SKI: variants seen among roughly 807,000 people sequenced by gnomAD.
SKI encodes the protein SKI proto-oncogene.
Under a neutral mutation model 59.3 loss-of-function variants are expected in SKI, and 23 were observed. The ratio of observed to expected loss-of-function variants is 0.39; its 90% confidence interval spans 0.28 to 0.55. SKI has a LOEUF of 0.55. SKI is among the 20% of genes least tolerant of loss of function. The pLI, the probability that SKI is intolerant of heterozygous loss-of-function variation, is 0.67. For synonymous variants in SKI, 673 were observed against 488.6 expected (o/e 1.38, Z -4.98); for missense variants, 1,017 against 1,038.9 (o/e 0.98, Z 0.29).
intron 1 of SKI, among the ~76,000 whole-genome samples, chr1:2,260,931 A>G (rs894154628): frequency 3.3e-5 from 5 of 152,078 alleles, no homozygotes; most frequent in African/African-American, 1.2e-4. Flanking sequence ...TATTCTAGAA[A>G]TTTTGTAGCT....
In SKI at chr1:2,305,436, C is replaced by G. The variant is rs376008997; in HGVS notation, c.1768-584C>G. Among the ~76,000 whole-genome samples the G allele has an allele frequency of 2.0e-5, 3 of 152,244 alleles. No individual in the cohort carries two copies. In the East Asian group the frequency reaches 5.8e-4, roughly 29 times the overall value. Reference sequence around the variant, plus strand: ...GCTGCAGGGTTGCCGACGTGCCCTCCTGCGCGTGCCAGTCCCTCGCCCCAG... The same window carrying G: ...GCTGCAGGGTTGCCGACGTGCCCTCGTGCGCGTGCCAGTCCCTCGCCCCAG... On this transcript the variant is annotated intron_variant, in intron 5 of 6. Transcript: ENST00000378536.
intron 1 of SKI, among the ~76,000 whole-genome samples, chr1:2,271,647 C>T (rs868166098): frequency 9.2e-5 from 14 of 152,070 alleles, no homozygotes; most frequent in South Asian, 2.1e-4. Flanking sequence ...CATTGAGCCC[C>T]GCCATTGCCT....
intron 1 of SKI, chr1:2,232,422 G>A (rs1350195647): frequency 6.6e-6 from 1 of 152,208 alleles, no homozygotes; most frequent in Non-Finnish European, 1.5e-5. Context: ...ATGTTCCCGG[G>A]TCCCAAACCA....
chr1:2,265,293 G>C (rs1383802397), intron 1 of SKI, among the ~76,000 whole-genome samples: 1 of 152,160 alleles, frequency 6.6e-6, no homozygotes, highest in Admixed American at 6.5e-5. Flanking sequence ...AATGTTGTCA[G>C]CTCAGGGTGC....
rs1207746965 is a variant in SKI, at chr1:2,229,701, A to T, written c.935A>T (p.Asp312Val). The change falls in exon 1 of 7, where the codon GAC (aspartate) becomes GTC (valine). Residue 312 changes from aspartate (D) to valine (V), a missense_variant. By Grantham distance (152) the Asp-to-Val change is radical. Transcript: ENST00000378536. The surrounding 1 kb of genome is among the most constrained non-coding windows in gnomAD (Gnocchi z 6.3). ...CTGGACGACGTGAAGGAGAAATTCGACTATGGCAACAAGTACAAGCGGCGG... is the reference window on the plus strand; with the variant it reads ...CTGGACGACGTGAAGGAGAAATTCGTCTATGGCAACAAGTACAAGCGGCGG... ...RCLDDVKEKFDYGNKYKRRVP... is the reference protein window; with the variant it reads ...RCLDDVKEKFVYGNKYKRRVP... 1 of 1,592,076 alleles carries T rather than the reference A, an allele frequency of 6.3e-7. No homozygotes were observed. The highest frequency in any genetic ancestry group is 8.5e-7 in the Non-Finnish European group (1 of 1,170,142).
Position 2,303,627 on chromosome 1 carries a change from CT to C in SKI, c.1212-211del. The C allele has an allele frequency of 1.4e-6, 1 of 722,758 alleles. No homozygotes were observed. Among genetic ancestry groups the C allele is most frequent in the Non-Finnish European group, 2.3e-6 (1 of 439,886 alleles). The allele number at this position is 722,758 out of a possible 1,614,324, so 44.8% of individuals were successfully genotyped here. Reference sequence around the variant, plus strand: ...GTGGAGCCCTGTCTGCTGGGCGCAGCTTCTTGATGTGTTGGCCTGTGTCTGG... The same window carrying C: ...GTGGAGCCCTGTCTGCTGGGCGCAGCTCTTGATGTGTTGGCCTGTGTCTGG... On this transcript the variant is annotated intron_variant, in intron 3 of 6. Transcript: ENST00000378536. This position sits in a 1 kb window ranked among gnomAD's most constrained non-coding sequence, Gnocchi z 5.6.
At chr1:2,256,280 C>T (rs1050155828) in intron 1 of SKI, among the ~76,000 whole-genome samples, 10 of 152,154 alleles carry the variant, frequency 6.6e-5, no homozygotes, top group Admixed American at 2.6e-4. Context: ...TCTCTGTGTC[C>T]TTACCTCATT....
chr1:2,286,645 C>T (rs1488978440), intron 1 of SKI, among the ~76,000 whole-genome samples: 1 of 152,238 alleles, frequency 6.6e-6, no homozygotes, highest in Non-Finnish European at 1.5e-5. Flanking sequence ...CCAAAATGAA[C>T]CTGGCTGTTG....
At chr1:2,275,747 T>C (rs552333519) in intron 1 of SKI, among the ~76,000 whole-genome samples, 55 of 152,238 alleles carry the variant, frequency 3.6e-4, no homozygotes, top group Non-Finnish European at 6.9e-4. Flanking sequence ...CTCCTGACCT[T>C]GTGATCCACC....
chr1:2,229,576 G>T lies in SKI; in HGVS notation c.810G>T (p.Arg270=). ...ACTCGCACAAGGCCCTGGAGAACCGGACCTGCCACTGGGGCTTCGACTCGG... is the reference window on the plus strand; with the variant it reads ...ACTCGCACAAGGCCCTGGAGAACCGTACCTGCCACTGGGGCTTCGACTCGG... ...VVHSHKALEN[R]TCHWGFDSAN... The change falls in exon 1 of 7, where the codon CGG becomes CGT. Residue 270 remains arginine, a synonymous_variant. Coordinates refer to ENST00000378536, the MANE Select transcript of SKI (RefSeq NM_003036.4). This position sits in a 1 kb window ranked among gnomAD's most constrained non-coding sequence, Gnocchi z 6.3. 1 of 1,611,556 alleles carries T rather than the reference G, an allele frequency of 6.2e-7. No homozygotes were observed.
At chr1:2,240,599 AG>A in intron 1 of SKI, 1 of 985,450 alleles carries the variant, frequency 1.0e-6, no homozygotes, top group African/African-American at 1.7e-5. Context: ...GAGGATTTTA[AG>A]AAGCAGAGTT....
Position 2,270,755 on chromosome 1 carries a change from G to A in SKI, c.970-32223G>A, listed in dbSNP as rs1395575841. On this transcript the variant is annotated intron_variant, in intron 1 of 6. Coordinates refer to ENST00000378536, the MANE Select transcript of SKI (RefSeq NM_003036.4). This position sits in a 1 kb window ranked among gnomAD's most constrained non-coding sequence, Gnocchi z 4.1. ...CCCGCTTCCCTTCCTCTGGGCCCCT[G>A]GACTCTGGGGGCGAGGGCAGGGCTG... Among the ~76,000 whole-genome samples, 5 of 152,192 alleles carry A rather than the reference G, an allele frequency of 3.3e-5. No homozygotes were observed. Among genetic ancestry groups the A allele is most frequent in the Non-Finnish European group, 7.4e-5 (5 of 68,020 alleles).
rs897774955 is a variant in SKI at position 2,246,577 on chromosome 1, C to G, written c.969+16842C>G. On this transcript the variant is annotated intron_variant, in intron 1 of 6. Transcript: ENST00000378536. ...AGATTCATGTTTGTAAGAGGAGACG[C>G]TCTGTGAGCCTCGGTGTGCAGCGCT... Among the ~76,000 whole-genome samples the G allele has an allele frequency of 7.9e-5, 12 of 152,300 alleles. No homozygotes were observed. In the East Asian group the frequency reaches 1.7e-3, roughly 22 times the overall value.
At position 2,267,805 on chromosome 1, in the gene SKI, C is replaced by T. The variant is rs1639531683; in HGVS notation, c.970-35173C>T. 6.6e-6 allele frequency among the ~76,000 whole-genome samples: 1 copy of T among 152,226 alleles called. No individual in the cohort carries two copies. Among genetic ancestry groups the T allele is most frequent in the South Asian group, 2.1e-4 (1 of 4,830 alleles). On this transcript the variant is annotated intron_variant, in intron 1 of 6. Transcript: ENST00000378536. The surrounding 1 kb of genome is among the most constrained non-coding windows in gnomAD (Gnocchi z 4.1). The stretch of plus-strand genomic sequence containing the variant: ...CCCAGGACACGGGTCCACGGTCACA[C>T]GGTCTCCAAATGAGCAGGAACACCT...
At chr1:2,230,675 C>T (rs1185828824) in intron 1 of SKI, among the ~76,000 whole-genome samples, 4 of 152,192 alleles carry the variant, frequency 2.6e-5, no homozygotes, top group African/African-American at 9.7e-5. Context: ...CAGTGGGGTC[C>T]TCAGGAACTT....
In SKI at chr1:2,303,259, TCACA is replaced by T. The variant is rs765358768; in HGVS notation, c.1096-23_1096-20del. 6.8e-6 allele frequency: 11 copies of T among 1,609,984 alleles called. No individual in the cohort carries two copies. Among genetic ancestry groups the T allele is most frequent in the African/African-American group, 2.7e-5 (2 of 74,864 alleles). ...AGTGGCTTGTTTTTCTCCTGGTCAC[TCACA>T]CAGACAACTCTTTCTCGACAGAGCC... On this transcript the variant is annotated intron_variant, in intron 2 of 6. Transcript: ENST00000378536. The surrounding 1 kb of genome is among the most constrained non-coding windows in gnomAD (Gnocchi z 5.6).
chr1:2,246,918 C>A (rs954601069), intron 1 of SKI, among the ~76,000 whole-genome samples: 2 of 152,162 alleles, frequency 1.3e-5, no homozygotes, highest in Non-Finnish European at 2.9e-5. Flanking sequence ...TTCTGGGAGG[C>A]CTGTGCAAGA....
rs1640688069 is a variant in SKI, at chr1:2,309,435, T to G, written c.*2670T>G. The G allele has an allele frequency of 6.6e-6, 1 of 152,190 alleles. No individual in the cohort carries two copies. Among genetic ancestry groups the G allele is most frequent in the African/African-American group, 2.4e-5 (1 of 41,424 alleles). The allele number at this position is 152,190 out of a possible 1,614,324, so 9.4% of individuals were successfully genotyped here. On this transcript the variant is annotated 3_prime_UTR_variant, in exon 7 of 7. Coordinates refer to ENST00000378536, the MANE Select transcript of SKI (RefSeq NM_003036.4). ...CTGCTTTTCGTACAGAACTAGCCAA[T>G]GTAAAAACAGTTCACCTGTAAATAC...
chr1:2,230,734 A>G (rs929990577), intron 1 of SKI, among the ~76,000 whole-genome samples: 2 of 152,306 alleles, frequency 1.3e-5, no homozygotes, highest in African/African-American at 4.8e-5. Flanking sequence ...TTAAATATCC[A>G]GGCTTATTAA....
Sources: gnomAD v4.1 joint callset for allele counts (sites outside exome capture counted in the v4.1 genomes callset) on GRCh38, gnomAD v4.1.1 for gene constraint, Gnocchi (gnomAD v3.1) non-coding constraint, MANE v1.5 for transcripts, NCBI Gene and HGNC (gene_info 2026-07-23, HGNC 2026-07-21) for gene names.